Variants in SNTB2 observed in about 807,000 individuals in gnomAD.
SNTB2 encodes syntrophin beta 2, also known as beta-2-syntrophin.
A neutral mutation model predicts 46.2 loss-of-function variants in SNTB2; 34 were observed. The ratio of observed to expected loss-of-function variants is 0.74; its 90% CI spans 0.56 to 0.98. The LOEUF is 0.98. Among genes scored for constraint, SNTB2 ranks in the 50% least tolerant of loss-of-function variants. The pLI is 0.00. For missense variants in SNTB2, 603 were observed against 731.4 expected (o/e 0.82, Z 2.02); for synonymous variants, 290 against 312.6 (o/e 0.93, Z 0.76).
Position 69,284,584 on chromosome 16 carries a change from G to A in SNTB2, c.1345+340G>A, listed in dbSNP as rs192688044. ...AGCTCAGGAGTTCGCAACCAGCCTG[G>A]GCAATACAGTGAAACCCCATCTCTA... On this transcript the variant is annotated intron_variant, in intron 5 of 6. Coordinates refer to ENST00000336278, the MANE Select transcript of SNTB2 (RefSeq NM_006750.4). Among the ~76,000 whole-genome samples the A allele has an allele frequency of 4.4e-4, 67 of 151,250 alleles. No individual in the cohort carries two copies. The East Asian group carries it at 0.012, about 27-fold the overall frequency.
chr16:69,262,951 G>C (rs181249619), intron 3 of SNTB2, among the ~76,000 whole-genome samples: 2 of 151,304 alleles, frequency 1.3e-5, no homozygotes, highest in Admixed American at 6.6e-5. Flanking sequence ...GCTGGGATCC[G>C]GCCAATACAT....
In SNTB2 at chr16:69,257,802, C is replaced by G. The variant is rs183965584; in HGVS notation, c.795-2248C>G. The stretch of plus-strand genomic sequence containing the variant: ...AACTTTTGTCCTATTTTGCTGTTAC[C>G]ATAGAACTTTGACAGCATATAAAAG... On this transcript the variant is annotated intron_variant, in intron 2 of 6. Transcript: ENST00000336278. Among the ~76,000 whole-genome samples, 7 of 152,248 alleles carry G rather than the reference C, an allele frequency of 4.6e-5. No homozygotes were observed. In the East Asian group the frequency reaches 1.2e-3, roughly 25 times the overall value.
At chr16:69,286,849 T>G (rs943044539) in intron 5 of SNTB2, among the ~76,000 whole-genome samples, 5 of 152,106 alleles carry the variant, frequency 3.3e-5, no homozygotes, top group African/African-American at 1.2e-4. Flanking sequence ...GCCACTGTAC[T>G]CCAGCCTGGA....
chr16:69,208,761 C>T (rs7500812), intron 1 of SNTB2, among the ~76,000 whole-genome samples: 1 of 151,304 alleles, frequency 6.6e-6, no homozygotes, highest in Non-Finnish European at 1.5e-5. Context: ...TTTGGGAGGC[C>T]GAGGCAGGCG....
At chr16:69,296,203 C>G (rs372669252) in intron 5 of SNTB2, among the ~76,000 whole-genome samples, 2 of 151,784 alleles carry the variant, frequency 1.3e-5, no homozygotes, top group African/African-American at 4.8e-5. Flanking sequence ...TTGCTTGAAC[C>G]CAGGAGGCAG....
intron 1 of SNTB2, among the ~76,000 whole-genome samples, chr16:69,223,748 C>T (rs1197638347): frequency 1.3e-5 from 2 of 152,134 alleles, no homozygotes; most frequent in African/African-American, 4.8e-5. Context: ...CCTGCCTCAG[C>T]CTCCCAAGTA....
chr16:69,283,934 A>G lies in SNTB2; in HGVS notation c.1149-114A>G, dbSNP rs183589075. On this transcript the variant is annotated intron_variant, in intron 4 of 6. Coordinates refer to ENST00000336278, the MANE Select transcript of SNTB2 (RefSeq NM_006750.4). ...TATAATCTTGCTTTGAAATGTCTAT[A>G]TCCAAAAACTGCTGATTGCTTTTAT... 148 of 951,990 alleles carry G rather than the reference A, an allele frequency of 1.6e-4. 1 individual carries two copies. Among genetic ancestry groups the G allele is most frequent in the Admixed American group, 2.5e-4 (10 of 40,416 alleles). 59.0% of individuals were successfully genotyped at this position (951,990 alleles called of 1,614,324 possible). A position where few individuals can be genotyped will look rare whatever the true frequency, so the allele number is the denominator to read the frequency against.
chr16:69,235,289 C>G (rs574167551), intron 1 of SNTB2, among the ~76,000 whole-genome samples: 2 of 151,906 alleles, frequency 1.3e-5, no homozygotes. Context: ...TTTAATTTTA[C>G]GTAGAATAGG....
intron 1 of SNTB2, among the ~76,000 whole-genome samples, chr16:69,208,567 A>C (rs1420455632): frequency 6.6e-6 from 1 of 152,184 alleles, no homozygotes; most frequent in African/African-American, 2.4e-5. Flanking sequence ...TTCACAATTT[A>C]TCCATTCTAG....
intron 1 of SNTB2, among the ~76,000 whole-genome samples, chr16:69,187,983 A>T (rs905445162): frequency 5.3e-5 from 8 of 152,162 alleles, no homozygotes; most frequent in African/African-American, 1.9e-4. Context: ...AGTAAAAAGC[A>T]GCTGCCTATG....
chr16:69,269,163 C>G (rs1226456944), intron 3 of SNTB2, among the ~76,000 whole-genome samples: 1 of 151,692 alleles, frequency 6.6e-6, no homozygotes, highest in Non-Finnish European at 1.5e-5. Context: ...GAGCGAAACT[C>G]CGTCTCAAAA....
At chr16:69,293,402 A>G (rs187721596) in intron 5 of SNTB2, among the ~76,000 whole-genome samples, 1 of 152,330 alleles carries the variant, frequency 6.6e-6, no homozygotes, top group Non-Finnish European at 1.5e-5. Context: ...ACAGCCAACA[A>G]TTAGTACTAC....
intron 5 of SNTB2, among the ~76,000 whole-genome samples, chr16:69,292,362 A>ATATATATATATATTATATATATAT (rs1965168376): frequency 2.2e-5 from 1 of 45,526 alleles, no homozygotes; most frequent in Non-Finnish European, 3.6e-5. Flanking sequence ...TTTTATATAT[A>ATATATATATATATTATATATATAT]TATATATATA....
At chr16:69,225,126 G>A (rs570171135) in intron 1 of SNTB2, among the ~76,000 whole-genome samples, 4 of 152,186 alleles carry the variant, frequency 2.6e-5, no homozygotes, top group Non-Finnish European at 5.9e-5. Context: ...AGGCCTGGCA[G>A]TAACTTACAG....
intron 5 of SNTB2, among the ~76,000 whole-genome samples, chr16:69,294,023 G>A (rs1289765149): frequency 1.3e-5 from 2 of 152,014 alleles, no homozygotes; most frequent in Non-Finnish European, 2.9e-5. Flanking sequence ...TATGTTTTTT[G>A]TTTGTTTGTT....
At chr16:69,229,766 C>T (rs569887217) in intron 1 of SNTB2, among the ~76,000 whole-genome samples, 94 of 140,504 alleles carry the variant, frequency 6.7e-4, no homozygotes, top group African/African-American at 2.3e-3. Flanking sequence ...CACTTGAACC[C>T]GGGAGGCAGA....
In SNTB2 at chr16:69,305,579, A is replaced by G. The variant is rs1350107382; in HGVS notation, c.*4655A>G. On this transcript the variant is annotated 3_prime_UTR_variant, in exon 7 of 7. Transcript: ENST00000336278. ...ATTGCTCTGATCAGATCAAATATCT[A>G]TGTAATGAAAAGAGACTTACTTAAA... The G allele has an allele frequency of 2.0e-5, 3 of 152,232 alleles. No homozygotes were observed. Among genetic ancestry groups the G allele is most frequent in the Non-Finnish European group, 4.4e-5 (3 of 68,028 alleles). The allele number at this position is 152,232 out of a possible 1,614,324, so 9.4% of individuals were successfully genotyped here.
intron 5 of SNTB2, among the ~76,000 whole-genome samples, chr16:69,297,564 G>A (rs1274927202): frequency 6.6e-6 from 1 of 150,888 alleles, no homozygotes; most frequent in Non-Finnish European, 1.5e-5. Context: ...GTTGCAGTGA[G>A]CCAAGATCAC....
chr16:69,194,798 A>G (rs1018984698), intron 1 of SNTB2, among the ~76,000 whole-genome samples: 4 of 152,332 alleles, frequency 2.6e-5, no homozygotes, highest in Non-Finnish European at 4.4e-5. Flanking sequence ...AGGAGAATTA[A>G]GGTGATGTTA....
Sources: allele counts gnomAD v4.1 joint callset (sites outside exome capture counted in the v4.1 genomes callset), GRCh38; gene constraint gnomAD v4.1.1; transcripts MANE v1.5; gene names NCBI Gene and HGNC (gene_info 2026-07-23, HGNC 2026-07-21).